The following PAPPA variants were observed in gnomAD, a reference collection of about 807,000 sequenced individuals.
PAPPA encodes the protein pappalysin 1, also known as pappalysin-1.
A neutral mutation model predicts 164.0 loss-of-function variants in PAPPA; 60 were observed. That is an observed-to-expected ratio of 0.37 (90% CI 0.30 to 0.45). The LOEUF (loss-of-function observed/expected upper bound fraction) is 0.45, where lower values mean the gene tolerates loss of function less well. Ranked by LOEUF, PAPPA falls within the 20% of genes least tolerant of loss-of-function variation. PAPPA has a pLI of 1.00. For synonymous variants in PAPPA, 875 were observed against 814.1 expected (o/e 1.07, Z -1.27); for missense variants, 1,782 against 2,087.3 (o/e 0.85, Z 2.85).
intron 10 of PAPPA, among the ~76,000 whole-genome samples, chr9:116,317,568 C>T (rs1434248471): frequency 6.6e-6 from 1 of 152,194 alleles, no homozygotes; most frequent in Non-Finnish European, 1.5e-5. Flanking sequence ...GTCTAAATCT[C>T]AGTCAGTTTC....
chr9:116,157,954 C>T (rs1195989495), intron 1 of PAPPA, among the ~76,000 whole-genome samples: 2 of 152,078 alleles, frequency 1.3e-5, no homozygotes, highest in Admixed American at 6.5e-5. Flanking sequence ...TTTGCTCCAT[C>T]GAGCAGAGGC....
At position 116,367,669 on chromosome 9, in the gene PAPPA, T is replaced by A; in HGVS notation, c.4520T>A (p.Leu1507Gln). Residue 1507 changes from leucine (L) to glutamine (Q), a missense_variant, in exon 19 of 22, where the codon CTG becomes CAG. Coordinates refer to ENST00000328252, the MANE Select transcript of PAPPA (RefSeq NM_002581.5). The part of the protein sequence containing the change: ...AIGSECATSC[L>Q]DHNSESIILP... ...GGGTCGGAGTGTGCCACCTCGTGCC[T>A]GGACCACAACAGCGAGTCCATCATC... The A allele has an allele frequency of 1.2e-6, 2 of 1,613,984 alleles. No homozygotes were observed. Among genetic ancestry groups the A allele is most frequent in the Non-Finnish European group, 1.7e-6 (2 of 1,179,932 alleles).
intron 1 of PAPPA, among the ~76,000 whole-genome samples, chr9:116,170,031 TG>T (rs1320697187): frequency 1.3e-5 from 2 of 152,168 alleles, no homozygotes; most frequent in Non-Finnish European, 2.9e-5. Context: ...TTTTTGCACT[TG>T]GGTTCAGAAG....
chr9:116,235,855 C>T (rs948418857), intron 7 of PAPPA, among the ~76,000 whole-genome samples: 1 of 152,120 alleles, frequency 6.6e-6, no homozygotes, highest in African/African-American at 2.4e-5. Flanking sequence ...GATTTAGTGA[C>T]AAATCTGATG....
At chr9:116,208,845 T>G (rs1445651925) in intron 3 of PAPPA, among the ~76,000 whole-genome samples, 1 of 152,152 alleles carries the variant, frequency 6.6e-6, no homozygotes, top group Non-Finnish European at 1.5e-5. Context: ...TGTGTGTGCG[T>G]GTGTGTGCAT....
chr9:116,205,239 G>A (rs1266224290), intron 2 of PAPPA, among the ~76,000 whole-genome samples: 4 of 151,622 alleles, frequency 2.6e-5, no homozygotes, highest in Non-Finnish European at 4.4e-5. Flanking sequence ...CCACTTCTCT[G>A]CTTTGGGCTA....
Position 116,374,706 on chromosome 9 carries a change from G to A in PAPPA, c.4606-2870G>A, listed in dbSNP as rs371240796. Among the ~76,000 whole-genome samples the A allele has an allele frequency of 2.8e-4, 42 of 152,294 alleles. 2 individuals are homozygous for A. The highest frequency in any genetic ancestry group is 1.7e-3 in the South Asian group (8 of 4,826). On this transcript the variant is annotated intron_variant, in intron 19 of 21. Coordinates refer to ENST00000328252, the MANE Select transcript of PAPPA (RefSeq NM_002581.5). ...ATAAACAGGGGAAGGCATGGGCATC[G>A]AATCCCTAGTGGATTCTAACTCTGC... is the stretch of plus-strand genomic sequence containing the variant.
chr9:116,302,294 C>T (rs1282383195), intron 9 of PAPPA, among the ~76,000 whole-genome samples: 4 of 152,090 alleles, frequency 2.6e-5, no homozygotes, highest in African/African-American at 7.2e-5. Flanking sequence ...ATATTGTTAA[C>T]TATAAGCACA....
chr9:116,276,848 C>G (rs1845204977), intron 9 of PAPPA, among the ~76,000 whole-genome samples: 1 of 152,292 alleles, frequency 6.6e-6, no homozygotes, highest in South Asian at 2.1e-4. Flanking sequence ...CCCTCCCCTC[C>G]CCTGTGAGGG....
chr9:116,285,006 C>T (rs529331455), intron 9 of PAPPA, among the ~76,000 whole-genome samples: 1 of 151,998 alleles, frequency 6.6e-6, no homozygotes, highest in South Asian at 2.1e-4. Flanking sequence ...AGTGCAGACA[C>T]CTTTTGTTGC....
intron 10 of PAPPA, among the ~76,000 whole-genome samples, chr9:116,310,221 A>C (rs1845699177): frequency 6.6e-6 from 1 of 152,144 alleles, no homozygotes; most frequent in Admixed American, 6.5e-5. Context: ...TATGGCCTTC[A>C]CCAAAGCATT....
chr9:116,328,928 T>C (rs1053424117), intron 10 of PAPPA, among the ~76,000 whole-genome samples: 1 of 152,244 alleles, frequency 6.6e-6, no homozygotes, highest in African/African-American at 2.4e-5. Context: ...TTTGCAACTT[T>C]ACTATAAATA....
chr9:116,209,123 A>G (rs988941119), intron 3 of PAPPA, among the ~76,000 whole-genome samples: 8 of 152,292 alleles, frequency 5.3e-5, no homozygotes, highest in African/African-American at 9.6e-5. Flanking sequence ...GGGTAGATAG[A>G]TTGGCAGATA....
At chr9:116,363,630 A>G (rs1846459071) in intron 18 of PAPPA, among the ~76,000 whole-genome samples, 1 of 152,178 alleles carries the variant, frequency 6.6e-6, no homozygotes, top group Non-Finnish European at 1.5e-5. Context: ...ACCATGATGA[A>G]AAGCCTAGGG....
chr9:116,256,606 G>A (rs919393035), intron 7 of PAPPA, among the ~76,000 whole-genome samples: 3 of 151,792 alleles, frequency 2.0e-5, no homozygotes, highest in African/African-American at 7.2e-5. Context: ...TGGCAAATAT[G>A]TTACTGTGAT....
chr9:116,165,035 T>C (rs371393616), intron 1 of PAPPA, among the ~76,000 whole-genome samples: 4 of 152,150 alleles, frequency 2.6e-5, no homozygotes, highest in Non-Finnish European at 4.4e-5. Flanking sequence ...ACGAGTACCA[T>C]TGACTGATAA....
chr9:116,261,246 A>G (rs539110595), intron 7 of PAPPA, among the ~76,000 whole-genome samples: 1 of 152,360 alleles, frequency 6.6e-6, no homozygotes, highest in Admixed American at 6.5e-5. Context: ...AGTTTTAAAG[A>G]AATATAACAC....
Position 116,228,456 on chromosome 9 carries a change from G to A in PAPPA, c.2233+904G>A, listed in dbSNP as rs367692. On this transcript the variant is annotated intron_variant, in intron 6 of 21. Transcript: ENST00000328252. The stretch of plus-strand genomic sequence containing the variant: ...CAGTCTTCTCACTGAACACCAGTGA[G>A]AACTCCTCCGCTATCCTCTATATTT... Among the ~76,000 whole-genome samples the A allele has an allele frequency of 9.8e-3, 1,486 of 152,154 alleles. 13 individuals are homozygous for A. The highest frequency in any genetic ancestry group is 0.015 in the Non-Finnish European group (1,028 of 68,010).
intron 2 of PAPPA, among the ~76,000 whole-genome samples, chr9:116,197,429 C>T (rs1844121828): frequency 6.6e-6 from 1 of 152,186 alleles, no homozygotes. Context: ...AAAAAAAATC[C>T]TACTCATATT....
Sources: gnomAD v4.1 joint callset for allele counts (sites outside exome capture counted in the v4.1 genomes callset) on GRCh38, gnomAD v4.1.1 for gene constraint, MANE v1.5 for transcripts, NCBI Gene and HGNC (gene_info 2026-07-23, HGNC 2026-07-21) for gene names.